The following SNRPG variants were observed in gnomAD, a reference collection of about 807,000 sequenced individuals.
The protein encoded by SNRPG is small nuclear ribonucleoprotein polypeptide G, also known as small nuclear ribonucleoprotein G.
Under a neutral mutation model 13.9 loss-of-function variants are expected in SNRPG, and 3 were observed. The ratio of observed to expected loss-of-function variants is 0.22; its 90% CI spans 0.10 to 0.56. SNRPG has a LOEUF of 0.56. Ranked by LOEUF, SNRPG falls within the 20% of genes least tolerant of loss-of-function variation. The pLI is 0.93. For synonymous variants in SNRPG, 29 were observed against 29.3 expected, an observed-to-expected ratio of 0.99 and a Z score of 0.03; for missense variants, 34 against 96.1, an observed-to-expected ratio of 0.35 and a Z score of 2.70.
intron 3 of SNRPG, among the ~76,000 whole-genome samples, chr2:70,283,122 A>AAAAAAACAAC (rs1241967786): frequency 3.6e-5 from 3 of 82,960 alleles, no homozygotes; most frequent in Non-Finnish European, 5.0e-5. Flanking sequence ...AAAAAAAAAA[A>AAAAAAACAAC]AACAACAAAC....
intron 3 of SNRPG, among the ~76,000 whole-genome samples, chr2:70,283,319 T>G (rs569949632): frequency 6.6e-6 from 1 of 151,450 alleles, no homozygotes; most frequent in South Asian, 2.1e-4. Flanking sequence ...ATTGGATAGG[T>G]GAATGGAGGG....
At chr2:70,282,070 C>T (rs1423769693) in intron 3 of SNRPG, among the ~76,000 whole-genome samples, 1 of 152,112 alleles carries the variant, frequency 6.6e-6, no homozygotes, top group Non-Finnish European at 1.5e-5. Flanking sequence ...GAGCCCTGAC[C>T]ACGCCCAGCT....
chr2:70,293,312 G>A (rs1041711062), intron 1 of SNRPG: 15 of 665,732 alleles, frequency 2.3e-5, no homozygotes, highest in African/African-American at 2.1e-4. Flanking sequence ...TTCAACAAAA[G>A]GTAGCACTGG....
chr2:70,289,440 G>T, intron 1 of SNRPG, 68 bp from the exon 2 acceptor site: 1 of 778,788 alleles, frequency 1.3e-6, no homozygotes, highest in Non-Finnish European at 2.1e-6. Context: ...AAGTAAATAG[G>T]TATAGTTAAG....
chr2:70,283,249 G>GT (rs923399944), intron 3 of SNRPG, among the ~76,000 whole-genome samples: 1 of 151,970 alleles, frequency 6.6e-6, no homozygotes, highest in South Asian at 2.1e-4. Context: ...ACTAAAAACA[G>GT]TAAGTCCCTA....
intron 1 of SNRPG, among the ~76,000 whole-genome samples, chr2:70,290,824 A>AT: frequency 7.2e-5 from 1 of 13,852 alleles, no homozygotes; most frequent in African/African-American, 3.2e-4. Flanking sequence ...CGTCTCTACT[A>AT]AAAAAAAAAA....
chr2:70,287,108 A>G (rs187538758), intron 3 of SNRPG, among the ~76,000 whole-genome samples: 8 of 152,344 alleles, frequency 5.3e-5, no homozygotes, highest in Admixed American at 2.0e-4. Flanking sequence ...CAGTAATGAA[A>G]AAGTATCTGA....
At chr2:70,290,603 A>T (rs1697059035) in intron 1 of SNRPG, among the ~76,000 whole-genome samples, 1 of 152,000 alleles carries the variant, frequency 6.6e-6, no homozygotes, top group Non-Finnish European at 1.5e-5. Flanking sequence ...GCACTTATTC[A>T]ATTTTAATGT....
intron 1 of SNRPG, among the ~76,000 whole-genome samples, chr2:70,290,740 C>G (rs1298423740): frequency 7.1e-6 from 1 of 140,294 alleles, no homozygotes; most frequent in African/African-American, 2.6e-5. Flanking sequence ...AATCCCAGCA[C>G]TTTGGGAGGC....
chr2:70,291,204 G>C (rs1466358915), intron 1 of SNRPG: 3 of 152,172 alleles, frequency 2.0e-5, no homozygotes, highest in Non-Finnish European at 4.4e-5. Flanking sequence ...GCTTGGAAAA[G>C]CTAAAGCAAT....
At chr2:70,289,435 A>G in intron 1 of SNRPG, 63 bp from the exon 2 acceptor site, 2 of 826,806 alleles carry the variant, frequency 2.4e-6, no homozygotes, top group Non-Finnish European at 3.9e-6. Flanking sequence ...TAAACAAGTA[A>G]ATAGGTATAG....
chr2:70,286,072 G>A (rs187432724), intron 3 of SNRPG, among the ~76,000 whole-genome samples: 1 of 152,216 alleles, frequency 6.6e-6, no homozygotes, highest in Admixed American at 6.6e-5. Flanking sequence ...GACTACAGGT[G>A]CACACCACCA....
chr2:70,290,443 C>T (rs555292690), intron 1 of SNRPG, among the ~76,000 whole-genome samples: 92 of 151,048 alleles, frequency 6.1e-4, no homozygotes, highest in African/African-American at 2.1e-3. Context: ...TAGTGGAATA[C>T]GAGATTAAGC....
chr2:70,293,691 G>C lies in SNRPG; in HGVS notation c.-42C>G. 2 of 1,601,036 alleles carry C rather than the reference G, an allele frequency of 1.2e-6. No homozygotes were observed. Among genetic ancestry groups the C allele is most frequent in the Non-Finnish European group, 1.7e-6 (2 of 1,168,178 alleles). The stretch of plus-strand genomic sequence containing the variant: ...GCTCACAGATGCCTTGGAACGCAAC[G>C]CACGGCTTTCCTCACGCTCCCGCTG... On this transcript the variant is annotated 5_prime_UTR_variant, in exon 1 of 4. Transcript: ENST00000272348.
At chr2:70,284,682 C>A (rs1696896457) in intron 3 of SNRPG, among the ~76,000 whole-genome samples, 1 of 152,132 alleles carries the variant, frequency 6.6e-6, no homozygotes, top group Non-Finnish European at 1.5e-5. Flanking sequence ...CTGTACCTGG[C>A]CAGTTATCAG....
chr2:70,288,042 AAG>A, intron 3 of SNRPG, 24 bp downstream of exon 3: 1 of 1,608,852 alleles, frequency 6.2e-7, no homozygotes, highest in East Asian at 2.2e-5. Flanking sequence ...TGAAATCTCC[AAG>A]AGAACTCTTG....
chr2:70,283,146 A>G, intron 3 of SNRPG, among the ~76,000 whole-genome samples: 1 of 150,946 alleles, frequency 6.6e-6, no homozygotes, highest in East Asian at 1.9e-4. Flanking sequence ...AACCAAAACA[A>G]ACCAACAGAC....
chr2:70,281,851 C>T (rs191011616), intron 3 of SNRPG, among the ~76,000 whole-genome samples, 167 bp from the exon 4 acceptor site: 46 of 152,296 alleles, frequency 3.0e-4, no homozygotes, highest in East Asian at 7.7e-4. Flanking sequence ...GCCCTTTATA[C>T]GACAGACATC....
At position 70,281,695 on chromosome 2, in the gene SNRPG, GA is replaced by G; in HGVS notation, c.181-12del. 6.8e-7 allele frequency: 1 copy of G among 1,477,238 alleles called. No individual in the cohort carries two copies. Among genetic ancestry groups the G allele is most frequent in the Non-Finnish European group, 9.4e-7 (1 of 1,064,340 alleles). The allele number at this position is 1,477,238 out of a possible 1,614,324, so 91.5% of individuals were successfully genotyped here. On this transcript the variant is annotated splice_polypyrimidine_tract_variant and intron_variant, in intron 3 of 3. Transcript: ENST00000272348. ...ATTTCCTCGTATTACCTAAGAAAGA[GA>G]AAAATAAATTTGAAAAGAACAACTC... is the stretch of plus-strand genomic sequence containing the variant.
Sources: gnomAD v4.1 joint callset for allele counts (sites outside exome capture counted in the v4.1 genomes callset) on GRCh38, gnomAD v4.1.1 for gene constraint, MANE v1.5 for transcripts, NCBI Gene and HGNC (gene_info 2026-07-23, HGNC 2026-07-21) for gene names.